Variants in CCDC192 observed in about 807,000 individuals in gnomAD.
CCDC192 encodes the protein coiled-coil domain containing 192, also known as coiled-coil domain-containing protein 192.
At chr5:127,732,288 A>G (rs931634296) in intron 2 of CCDC192, among the ~76,000 whole-genome samples, 1 of 152,248 alleles carries the variant, frequency 6.6e-6, no homozygotes, top group Non-Finnish European at 1.5e-5. Context: ...CAAAACCACA[A>G]TGAAATACCA....
intron 3 of CCDC192, among the ~76,000 whole-genome samples, chr5:127,758,469 GA>G (rs2126883276): frequency 6.6e-6 from 1 of 152,284 alleles, no homozygotes; most frequent in South Asian, 2.1e-4. Flanking sequence ...TTGCAATTAA[GA>G]CTTATAATCT....
chr5:127,917,904 C>A (rs571297473), intron 6 of CCDC192, among the ~76,000 whole-genome samples: 3 of 152,226 alleles, frequency 2.0e-5, no homozygotes, highest in East Asian at 3.9e-4. Context: ...CTTTGGGAGG[C>A]TTAGGCGGGT....
chr5:127,934,616 A>C (rs1754138485), intron 6 of CCDC192, among the ~76,000 whole-genome samples: 1 of 152,206 alleles, frequency 6.6e-6, no homozygotes. Context: ...CATAGGACTA[A>C]TTTGATTTTC....
At chr5:127,871,237 T>A in intron 5 of CCDC192, among the ~76,000 whole-genome samples, 1 of 152,338 alleles carries the variant, frequency 6.6e-6, no homozygotes, top group African/African-American at 2.4e-5. Context: ...TTAAGTTTTG[T>A]CTACCCATCC....
chr5:127,880,003 G>T (rs1447714023), intron 6 of CCDC192, among the ~76,000 whole-genome samples: 8 of 152,114 alleles, frequency 5.3e-5, no homozygotes, highest in Non-Finnish European at 1.2e-4. Context: ...CTGTAAACTA[G>T]TTCAACCATT....
chr5:127,769,149 T>C (rs527435698), intron 3 of CCDC192, among the ~76,000 whole-genome samples: 2 of 152,258 alleles, frequency 1.3e-5, no homozygotes, highest in African/African-American at 4.8e-5. Context: ...GAACAGACAA[T>C]AAGAAGAGAT....
chr5:127,766,179 G>A (rs1003375349), intron 3 of CCDC192, among the ~76,000 whole-genome samples: 3 of 152,130 alleles, frequency 2.0e-5, no homozygotes, highest in Non-Finnish European at 4.4e-5. Flanking sequence ...CTTCTCTCTG[G>A]TTTTGCCTAA....
intron 5 of CCDC192, among the ~76,000 whole-genome samples, chr5:127,806,286 C>A (rs1757775634): frequency 6.6e-6 from 1 of 152,018 alleles, no homozygotes; most frequent in Admixed American, 6.6e-5. Context: ...ACACAAGGAC[C>A]CTGGCTGGCA....
intron 6 of CCDC192, among the ~76,000 whole-genome samples, chr5:127,896,810 A>G (rs1752901662): frequency 6.6e-6 from 1 of 151,842 alleles, no homozygotes; most frequent in Admixed American, 6.6e-5. Flanking sequence ...AAGAACATAT[A>G]ATGACTGGTA....
At chr5:127,760,612 TA>T (rs1250453409) in intron 3 of CCDC192, among the ~76,000 whole-genome samples, 1 of 131,076 alleles carries the variant, frequency 7.6e-6, no homozygotes, top group Non-Finnish European at 1.5e-5. Flanking sequence ...CCATCTCTAC[TA>T]AAAAATACAA....
chr5:127,730,007 G>C (rs924677918), intron 2 of CCDC192, among the ~76,000 whole-genome samples: 3 of 151,840 alleles, frequency 2.0e-5, no homozygotes, highest in African/African-American at 7.3e-5. Flanking sequence ...CAAAAGACAA[G>C]AAATAACCAA....
At chr5:127,875,041 C>G (rs1028442821) in intron 5 of CCDC192, among the ~76,000 whole-genome samples, 1 of 152,102 alleles carries the variant, frequency 6.6e-6, no homozygotes, top group African/African-American at 2.4e-5. Flanking sequence ...GGATCCCATA[C>G]TAAATATCAG....
chr5:127,712,913 AC>A lies in CCDC192; in HGVS notation c.114+5156del, dbSNP rs572200462. On this transcript the variant is annotated intron_variant, in intron 2 of 6. Transcript: ENST00000514853. ...TTTTAGTTCGTCTACATTCTTTGCAACCCTATGAAGGTCAGCCTTTAAAATT... is the reference window on the plus strand; with the variant it reads ...TTTTAGTTCGTCTACATTCTTTGCAACCTATGAAGGTCAGCCTTTAAAATT... Among the ~76,000 whole-genome samples the A allele has an allele frequency of 7.3e-3, 1,116 of 152,292 alleles. 6 individuals carry two copies. The highest frequency in any genetic ancestry group is 0.011 in the Non-Finnish European group (771 of 68,028).
At chr5:127,748,548 T>A (rs1753923948) in intron 2 of CCDC192, among the ~76,000 whole-genome samples, 1 of 143,058 alleles carries the variant, frequency 7.0e-6, no homozygotes, top group Non-Finnish European at 1.5e-5. Flanking sequence ...GTGTGATGCC[T>A]CCAGCTTTGT....
At chr5:127,797,690 G>A (rs1459550445) in intron 4 of CCDC192, among the ~76,000 whole-genome samples, 1 of 144,966 alleles carries the variant, frequency 6.9e-6, no homozygotes, top group Non-Finnish European at 1.5e-5. Context: ...TCAATCCAAA[G>A]GGTTTGCTTT....
chr5:127,750,419 G>C (rs564054476), intron 2 of CCDC192, among the ~76,000 whole-genome samples: 68 of 151,632 alleles, frequency 4.5e-4, no homozygotes, highest in Middle Eastern at 3.4e-3. Context: ...TGTAGTTGAG[G>C]GGTTTTGAGT....
At chr5:127,772,065 C>A (rs1363207194) in intron 3 of CCDC192, among the ~76,000 whole-genome samples, 1 of 152,154 alleles carries the variant, frequency 6.6e-6, no homozygotes, top group East Asian at 1.9e-4. Flanking sequence ...TTGCCAGGCA[C>A]CCCTTCCTAC....
At chr5:127,792,310 G>A (rs1165771333) in intron 3 of CCDC192, among the ~76,000 whole-genome samples, 2 of 152,122 alleles carry the variant, frequency 1.3e-5, no homozygotes, top group Non-Finnish European at 2.9e-5. Context: ...TATGGCAGCA[G>A]CAAAGAGATG....
intron 2 of CCDC192, among the ~76,000 whole-genome samples, chr5:127,718,754 T>G (rs1355103796): frequency 6.6e-6 from 1 of 152,132 alleles, no homozygotes; most frequent in African/African-American, 2.4e-5. Flanking sequence ...ATTTAAAAAT[T>G]TTTAATTGTT....
Sources: gnomAD v4.1 joint callset for allele counts (sites outside exome capture counted in the v4.1 genomes callset) on GRCh38, gnomAD v4.1.1 for gene constraint, MANE v1.5 for transcripts, NCBI Gene and HGNC (gene_info 2026-07-23, HGNC 2026-07-21) for gene names.